Variants in SCD5 observed in about 807,000 individuals in gnomAD.
The protein encoded by SCD5 is acyl-CoA-desaturase 4.
In SCD5, 20 loss-of-function variants were observed where a neutral mutation model predicts 30.4. The ratio of observed to expected loss-of-function variants is 0.66; its 90% confidence interval spans 0.46 to 0.96. The LOEUF (loss-of-function observed/expected upper bound fraction) is 0.96, where lower values mean the gene tolerates loss of function less well. Ranked by LOEUF, SCD5 falls within the 40% of genes least tolerant of loss-of-function variation. The pLI, the probability that SCD5 is intolerant of heterozygous loss-of-function variation, is 0.00. For missense variants in SCD5, 381 were observed against 443.3 expected (o/e 0.86, Z 1.26); for synonymous variants, 173 against 176.4 (o/e 0.98, Z 0.16).
At chr4:82,638,287 C>G (rs371655252) in intron 3 of SCD5, among the ~76,000 whole-genome samples, 5 of 152,146 alleles carry the variant, frequency 3.3e-5, no homozygotes, top group Non-Finnish European at 7.4e-5. Context: ...CCCTGCCCCC[C>G]CAAAAAAAAG....
chr4:82,768,568 T>C (rs1472641337), intron 1 of SCD5, among the ~76,000 whole-genome samples: 1 of 152,208 alleles, frequency 6.6e-6, no homozygotes, highest in Non-Finnish European at 1.5e-5. Flanking sequence ...ATATGAATTA[T>C]CTGTAATGAA....
intron 1 of SCD5, among the ~76,000 whole-genome samples, chr4:82,766,610 G>T (rs1199061284): frequency 6.6e-6 from 1 of 152,142 alleles, no homozygotes; most frequent in Non-Finnish European, 1.5e-5. Flanking sequence ...AACATGGGTT[G>T]CATCTTCCTG....
chr4:82,779,297 A>T (rs1721819490), intron 1 of SCD5, among the ~76,000 whole-genome samples: 1 of 152,182 alleles, frequency 6.6e-6, no homozygotes, highest in Non-Finnish European at 1.5e-5. Context: ...AGAAGGACTC[A>T]GTGTGCTCTT....
At chr4:82,640,702 C>T (rs1727524358) in intron 3 of SCD5, among the ~76,000 whole-genome samples, 1 of 152,194 alleles carries the variant, frequency 6.6e-6, no homozygotes, top group African/African-American at 2.4e-5. Flanking sequence ...CTTTTAATAA[C>T]AGTCACTGGC....
chr4:82,645,228 C>G (rs778504064), intron 3 of SCD5, among the ~76,000 whole-genome samples: 3 of 151,722 alleles, frequency 2.0e-5, no homozygotes, highest in Non-Finnish European at 2.9e-5. Flanking sequence ...GCAGTAGGAT[C>G]GCTTGAACCC....
intron 1 of SCD5, among the ~76,000 whole-genome samples, chr4:82,767,491 T>C (rs1721517865): frequency 6.6e-6 from 1 of 152,140 alleles, no homozygotes; most frequent in African/African-American, 2.4e-5. Context: ...ATCTCCTTTC[T>C]TGGAGATCTC....
intron 2 of SCD5, chr4:82,692,068 C>T (rs932148066): frequency 2.0e-5 from 3 of 152,526 alleles, no homozygotes; most frequent in African/African-American, 7.2e-5. Context: ...TGGATCTTCA[C>T]CACTCCTGGC....
chr4:82,732,130 TTG>T (rs1720657113), intron 1 of SCD5, among the ~76,000 whole-genome samples: 1 of 152,170 alleles, frequency 6.6e-6, no homozygotes, highest in Admixed American at 6.5e-5. Context: ...AGACGGAGTC[TTG>T]CTCTGTCACC....
chr4:82,758,232 A>G (rs1243261736), intron 1 of SCD5, among the ~76,000 whole-genome samples: 1 of 152,172 alleles, frequency 6.6e-6, no homozygotes, highest in Non-Finnish European at 1.5e-5. Flanking sequence ...GGAGGCCAAG[A>G]TGGGAAGATC....
At chr4:82,747,688 C>T (rs553212711) in intron 1 of SCD5, among the ~76,000 whole-genome samples, 1 of 152,346 alleles carries the variant, frequency 6.6e-6, no homozygotes, top group East Asian at 1.9e-4. Context: ...CCTATAATTG[C>T]AAACATTATG....
chr4:82,786,035 G>T (rs574501123), intron 1 of SCD5, among the ~76,000 whole-genome samples: 9 of 152,146 alleles, frequency 5.9e-5, no homozygotes, highest in Non-Finnish European at 1.3e-4. Flanking sequence ...TTTTAAGAAA[G>T]AAATTCATTT....
intron 2 of SCD5, chr4:82,692,385 T>A (rs1013706826): frequency 1.0e-4 from 16 of 157,238 alleles, no homozygotes; most frequent in African/African-American, 3.6e-4. Flanking sequence ...GACCTGGCCA[T>A]CCTGGGGCAG....
At chr4:82,660,789 G>T in intron 3 of SCD5, 1 of 1,597,814 alleles carries the variant, frequency 6.3e-7, no homozygotes, top group Non-Finnish European at 8.5e-7. Flanking sequence ...GCTTCACACC[G>T]TTAAAAAAGG....
At chr4:82,798,210 G>T (rs1220762869) in intron 1 of SCD5, 96 bp downstream of exon 1, 1 of 1,148,728 alleles carries the variant, frequency 8.7e-7, no homozygotes, top group Non-Finnish European at 1.1e-6. Context: ...GGGTCGCTGC[G>T]CACCGCCCGC....
chr4:82,711,041 GA>G (rs1720073622), intron 1 of SCD5, among the ~76,000 whole-genome samples: 1 of 152,124 alleles, frequency 6.6e-6, no homozygotes, highest in Admixed American at 6.6e-5. Context: ...GTAAAGTAGG[GA>G]AAATAGTACC....
intron 1 of SCD5, among the ~76,000 whole-genome samples, chr4:82,779,600 G>A (rs1377480979): frequency 6.6e-6 from 1 of 152,198 alleles, no homozygotes; most frequent in African/African-American, 2.4e-5. Flanking sequence ...AGAACCTTCA[G>A]GACTGTGTTG....
chr4:82,636,959 G>A lies in SCD5; in HGVS notation c.570-136C>T, dbSNP rs527242438. The stretch of plus-strand genomic sequence containing the variant: ...TCAGCTCCTTCAACGCTTTCTATAT[G>A]TGGAAGCCTGTTGTGTAGGGGTCAC... On this transcript the variant is annotated intron_variant, in intron 3 of 4. Transcript: ENST00000319540. The A allele has an allele frequency of 1.9e-4, 134 of 688,464 alleles. 4 individuals are homozygous for A. The South Asian group carries it at 2.4e-3, about 12-fold the overall frequency. The allele number at this position is 688,464 out of a possible 1,614,324, so 42.6% of individuals were successfully genotyped here.
At chr4:82,722,790 G>A (rs60712933) in intron 1 of SCD5, among the ~76,000 whole-genome samples, 3,367 of 150,788 alleles carry the variant, frequency 0.022, 125 homozygotes, top group African/African-American at 0.078. Flanking sequence ...ATTCTCGGCT[G>A]GGCTCAGTAG....
intron 3 of SCD5, among the ~76,000 whole-genome samples, chr4:82,653,711 G>T (rs373234343): frequency 5.4e-5 from 8 of 147,526 alleles, no homozygotes; most frequent in African/African-American, 2.0e-4. Flanking sequence ...GATAGATATA[G>T]ATAGATAGAT....
Sources: allele counts gnomAD v4.1 joint callset (sites outside exome capture counted in the v4.1 genomes callset), GRCh38; gene constraint gnomAD v4.1.1; transcripts MANE v1.5; gene names NCBI Gene and HGNC (gene_info 2026-07-23, HGNC 2026-07-21).